Variants in CARD19 observed in about 807,000 individuals in gnomAD.
CARD19 encodes the protein caspase recruitment domain family member 19, also known as caspase recruitment domain-containing protein 19.
CARD19 carries 25 observed loss-of-function variants against 24.1 expected under a neutral mutation model. The observed-to-expected ratio is 1.04, with a 90% CI of 0.76 to 1.45. CARD19 has a LOEUF of 1.45. Among genes scored for constraint, CARD19 ranks in the 40% most tolerant of loss-of-function variants. The probability of loss-of-function intolerance (pLI) is 0.00; values close to 1 mark genes in which losing one functional copy is unlikely to be tolerated. For synonymous variants in CARD19, 103 were observed against 104.9 expected, an observed-to-expected ratio of 0.98 and a Z score of 0.11; for missense variants, 241 against 247.4, an observed-to-expected ratio of 0.97 and a Z score of 0.17.
At chr9:93,109,471 C>CTTTT (rs5899172) in intron 2 of CARD19, among the ~76,000 whole-genome samples, 5 of 148,556 alleles carry the variant, frequency 3.4e-5, no homozygotes. Flanking sequence ...ATACTTCTGT[C>CTTTT]TTTTTTTTTT....
rs549263252 is a variant in CARD19, at chr9:93,108,558, G to A, written c.150+742G>A. On this transcript the variant is annotated intron_variant, in intron 2 of 5. Coordinates refer to ENST00000375464, the MANE Select transcript of CARD19 (RefSeq NM_032310.5). ...ACTGACTGAGCTGAGCCGGGTAAAC[G>A]CCTGCCCGAGAGCCCTTGTCGCCAG... Among the ~76,000 whole-genome samples the A allele has an allele frequency of 1.3e-4, 20 of 152,104 alleles. No individual in the cohort carries two copies. The South Asian group carries it at 3.7e-3, about 29-fold the overall frequency.
chr9:93,107,925 A>AC, intron 2 of CARD19, 109 bp downstream of exon 2: 6 of 1,377,080 alleles, frequency 4.4e-6, no homozygotes, highest in Non-Finnish European at 6.0e-6. Flanking sequence ...GGGATGACAC[A>AC]CTAGGTATGT....
chr9:93,103,842 A>G (rs1003521591), intron 1 of CARD19, among the ~76,000 whole-genome samples: 15 of 152,242 alleles, frequency 9.9e-5, no homozygotes, highest in Admixed American at 4.6e-4. Flanking sequence ...TGAAACTTCA[A>G]GCCCTTTTAT....
intron 1 of CARD19, among the ~76,000 whole-genome samples, chr9:93,098,393 C>T (rs562882209): frequency 1.7e-4 from 26 of 152,258 alleles, no homozygotes; most frequent in African/African-American, 4.8e-4. Context: ...CCAGCTCCCA[C>T]GGGGCCTTGA....
Position 93,111,860 on chromosome 9 carries a change from T to C in CARD19, c.305-19T>C. On this transcript the variant is annotated intron_variant, in intron 3 of 5. Transcript: ENST00000375464. ...GGCCCTGCCCGTTGACTAACTATGC[T>C]CTGTGGTTTTGTTTCCAGAGAACTC... The C allele has an allele frequency of 6.2e-7, 1 of 1,611,032 alleles. No homozygotes were observed. Among genetic ancestry groups the C allele is most frequent in the Non-Finnish European group, 8.5e-7 (1 of 1,179,132 alleles).
In CARD19 at chr9:93,097,912, G is replaced by GA. The variant is rs1315772747; in HGVS notation, c.7+1560_7+1561insA. ...CTCACAACCCTTAGTTTTTGGGATG[G>GA]GGAACCAAGGCCCATGGAGCACAGC... On this transcript the variant is annotated intron_variant, in intron 1 of 5. Coordinates refer to ENST00000375464, the MANE Select transcript of CARD19 (RefSeq NM_032310.5). 9.8e-5 allele frequency among the ~76,000 whole-genome samples: 15 copies of GA among 152,342 alleles called. No individual in the cohort carries two copies. In the East Asian group the frequency reaches 1.3e-3, roughly 14 times the overall value.
At chr9:93,100,008 A>G (rs1053740052) in intron 1 of CARD19, among the ~76,000 whole-genome samples, 3 of 152,194 alleles carry the variant, frequency 2.0e-5, no homozygotes, top group African/African-American at 7.2e-5. Flanking sequence ...CCGCACCCCT[A>G]CACTGTGAGC....
chr9:93,096,260 A>C lies in CARD19; in HGVS notation c.-86A>C. 1 of 1,205,688 alleles carries C rather than the reference A, an allele frequency of 8.3e-7. No individual in the cohort carries two copies. Among genetic ancestry groups the C allele is most frequent in the Non-Finnish European group, 1.0e-6 (1 of 967,012 alleles). 74.7% of individuals were successfully genotyped at this position (1,205,688 alleles called of 1,614,324 possible). A position where few individuals can be genotyped will look rare whatever the true frequency, so the allele number is the denominator to read the frequency against. On this transcript the variant is annotated 5_prime_UTR_variant, in exon 1 of 6. Coordinates refer to ENST00000375464, the MANE Select transcript of CARD19 (RefSeq NM_032310.5). The surrounding 1 kb of genome is among the most constrained non-coding windows in gnomAD (Gnocchi z 5.4). Reference sequence around the variant, plus strand: ...ACGGCCCGCGGGCGGCGTTCGCTGGAGCTGGTGGACCGGGCGGCTGACCGA... The same window carrying C: ...ACGGCCCGCGGGCGGCGTTCGCTGGCGCTGGTGGACCGGGCGGCTGACCGA...
At chr9:93,112,889 T>A (rs1827555523) in intron 5 of CARD19, 103 bp from the exon 6 acceptor site, 1 of 711,960 alleles carries the variant, frequency 1.4e-6, no homozygotes, top group Non-Finnish European at 2.4e-6. Context: ...GGGAGCACCC[T>A]GTCCCAGTGC....
At chr9:93,111,669 C>A in intron 3 of CARD19, 1 of 1,385,366 alleles carries the variant, frequency 7.2e-7, no homozygotes, top group Non-Finnish European at 9.3e-7. Context: ...CTGTGGCTCC[C>A]GGGTGCCTTT....
chr9:93,112,867 C>T (rs1827554455), intron 5 of CARD19, 125 bp from the exon 6 acceptor site: 1 of 626,354 alleles, frequency 1.6e-6, no homozygotes, highest in Non-Finnish European at 2.8e-6. Flanking sequence ...CAAGCCGAGA[C>T]CATGACCGGG....
chr9:93,111,864 TGG>T lies in CARD19; in HGVS notation c.305-14_305-13del, dbSNP rs1363898829. On this transcript the variant is annotated splice_polypyrimidine_tract_variant and intron_variant, in intron 3 of 5. Coordinates refer to ENST00000375464, the MANE Select transcript of CARD19 (RefSeq NM_032310.5). ...CTGCCCGTTGACTAACTATGCTCTG[TGG>T]TTTTGTTTCCAGAGAACTCAGATTG... 1.2e-6 allele frequency: 2 copies of T among 1,611,276 alleles called. No individual in the cohort carries two copies. The highest frequency in any genetic ancestry group is 3.3e-5 in the Admixed American group (2 of 59,948).
In CARD19 at chr9:93,110,652, G is replaced by T; in HGVS notation, c.235G>T (p.Glu79Ter). 1.2e-6 allele frequency: 2 copies of T among 1,613,684 alleles called. No homozygotes were observed. ...GCGGAGCGGTGAGCGGGACTGCCAG[G>T]AGTTCTACCGAGCCCTGTATATCCA... is the stretch of plus-strand genomic sequence containing the variant. ...LQRSGERDCQ[E>*]FYRALYIHAQ... The change falls in exon 3 of 6, where the codon GAG becomes TAG. Residue 79 changes from glutamate to a stop codon, truncating the protein, a stop_gained. Transcript: ENST00000375464. LOFTEE classifies it high-confidence loss of function.
intron 1 of CARD19, among the ~76,000 whole-genome samples, chr9:93,105,674 T>G (rs968140565): frequency 3.3e-5 from 5 of 152,250 alleles, no homozygotes; most frequent in African/African-American, 1.2e-4. Flanking sequence ...AAATATTTTT[T>G]ATATGATTTC....
intron 1 of CARD19, among the ~76,000 whole-genome samples, chr9:93,102,585 T>C (rs1827124861): frequency 6.6e-6 from 1 of 152,162 alleles, no homozygotes; most frequent in Non-Finnish European, 1.5e-5. Flanking sequence ...CCACATTGTT[T>C]TCATTATTGT....
chr9:93,111,528 G>A (rs986235321), intron 3 of CARD19: 27 of 1,172,676 alleles, frequency 2.3e-5, no homozygotes, highest in Non-Finnish European at 2.7e-5. Context: ...GACGGTGGGC[G>A]GGGAGAGCTC....
Position 93,111,520 on chromosome 9 carries a change from C to T in CARD19, c.305-359C>T, listed in dbSNP as rs370365010. 4.9e-5 allele frequency: 57 copies of T among 1,156,140 alleles called. No individual in the cohort carries two copies. The African/African-American group carries it at 7.1e-4, about 14-fold the overall frequency. The allele number at this position is 1,156,140 out of a possible 1,614,324, so 71.6% of individuals were successfully genotyped here. A position where few individuals can be genotyped will look rare whatever the true frequency, so the allele number is the denominator to read the frequency against. The stretch of plus-strand genomic sequence containing the variant: ...CACGCCTCACAGAACACAGTGCAGA[C>T]GGTGGGCGGGGAGAGCTCGAGGGGA... On this transcript the variant is annotated intron_variant, in intron 3 of 5. Coordinates refer to ENST00000375464, the MANE Select transcript of CARD19 (RefSeq NM_032310.5).
At chr9:93,099,553 G>C (rs944728630) in intron 1 of CARD19, among the ~76,000 whole-genome samples, 1 of 152,210 alleles carries the variant, frequency 6.6e-6, no homozygotes. Flanking sequence ...AAGGATGAAG[G>C]TTGTAGGTGA....
chr9:93,112,042 C>T (rs1272211022), intron 4 of CARD19, 104 bp downstream of exon 4: 1 of 1,466,828 alleles, frequency 6.8e-7, no homozygotes. Flanking sequence ...CACCCCAAGT[C>T]TGGCTCCATT....
Sources: allele counts gnomAD v4.1 joint callset (sites outside exome capture counted in the v4.1 genomes callset), GRCh38; gene constraint gnomAD v4.1.1; non-coding constraint Gnocchi (gnomAD v3.1); transcripts MANE v1.5; gene names NCBI Gene and HGNC (gene_info 2026-07-23, HGNC 2026-07-21).